Variants in CCDC27 observed in about 807,000 individuals in gnomAD.
CCDC27 encodes coiled-coil domain containing 27.
A neutral mutation model predicts 80.3 loss-of-function variants in CCDC27; 80 were observed. The observed-to-expected ratio is 1.00, with a 90% CI of 0.83 to 1.20. The LOEUF (loss-of-function observed/expected upper bound fraction) is 1.20. CCDC27 is among the 50% of genes most tolerant of loss of function. The pLI is 0.00. For synonymous variants in CCDC27, 342 were observed against 334.3 expected, an observed-to-expected ratio of 1.02 and a Z score of -0.25; for missense variants, 815 against 809.4, an observed-to-expected ratio of 1.01 and a Z score of -0.08.
At chr1:3,756,563 T>C (rs937413673) in intron 3 of CCDC27, 170 bp from the exon 4 acceptor site, 12 of 663,700 alleles carry the variant, frequency 1.8e-5, no homozygotes, top group Non-Finnish European at 2.8e-5. Context: ...AGCACCACAC[T>C]GTGTCCTCAA....
Position 3,763,452 on chromosome 1 carries a change from G to C in CCDC27, c.1299G>C (p.Arg433Ser), listed in dbSNP as rs1643144537. The change falls in exon 7 of 12, where the codon AGG becomes AGC. Residue 433 changes from arginine (R) to serine (S), a missense_variant. Coordinates refer to ENST00000294600, the MANE Select transcript of CCDC27 (RefSeq NM_152492.3). The surrounding 1 kb of genome is among the most constrained non-coding windows in gnomAD (Gnocchi z 7.5). ...LDFQFNLEATRTRYSLATGVI... is the reference protein window; with the variant it reads ...LDFQFNLEATSTRYSLATGVI... ...TCCAGTTCAACCTGGAGGCCACCAG[G>C]ACCAGATACTCCCTTGCAACAGGTA... 5.0e-6 allele frequency: 8 copies of C among 1,607,392 alleles called. No homozygotes were observed. The highest frequency in any genetic ancestry group is 2.7e-5 in the African/African-American group (2 of 74,776).
Position 3,769,659 on chromosome 1 carries a change from A to G in CCDC27, c.1744-124A>G. On this transcript the variant is annotated intron_variant, in intron 10 of 11. Coordinates refer to ENST00000294600, the MANE Select transcript of CCDC27 (RefSeq NM_152492.3). The surrounding 1 kb of genome is among the most constrained non-coding windows in gnomAD (Gnocchi z 4.6). Reference sequence around the variant, plus strand: ...ACACCTGTTTCCAGTTTCTAAAGCCATGAAAAGTGAGGGTGAGCTGTTCCT... The same window carrying G: ...ACACCTGTTTCCAGTTTCTAAAGCCGTGAAAAGTGAGGGTGAGCTGTTCCT... 1 of 700,928 alleles carries G rather than the reference A, an allele frequency of 1.4e-6. No homozygotes were observed. The allele number at this position is 700,928 out of a possible 1,614,324, so 43.4% of individuals were successfully genotyped here.
rs530725860 is a variant in CCDC27 at position 3,762,240 on chromosome 1, G to A, written c.862-380G>A. 6.6e-5 allele frequency among the ~76,000 whole-genome samples: 10 copies of A among 152,328 alleles called. No individual in the cohort carries two copies. In the South Asian group the frequency reaches 2.1e-3, roughly 32 times the overall value. ...TGCCTAGACACACAGGGCGGGGGCA[G>A]GGAAAGGTGGCCAGCCGGCGGCTTC... is the stretch of plus-strand genomic sequence containing the variant. On this transcript the variant is annotated intron_variant, in intron 5 of 11. Transcript: ENST00000294600.
rs143183028 is a variant in CCDC27 at position 3,756,817 on chromosome 1, C to T, written c.638C>T (p.Thr213Ile). ...RRKSQTLSPV[T>I]SSSVASQSCL... ...AAATCCCAGACTTTGAGTCCGGTCACCAGCAGCTCAGTCGCATCTCAGAGC... is the reference window on the plus strand; with the variant it reads ...AAATCCCAGACTTTGAGTCCGGTCATCAGCAGCTCAGTCGCATCTCAGAGC... The change falls in exon 4 of 12, where the codon ACC becomes ATC. Residue 213 changes from threonine (T) to isoleucine (I), a missense_variant. Thr to Ile is a moderately conservative substitution (Grantham distance 89). Coordinates refer to ENST00000294600, the MANE Select transcript of CCDC27 (RefSeq NM_152492.3). 9 of 1,614,046 alleles carry T rather than the reference C, an allele frequency of 5.6e-6. No homozygotes were observed. The highest frequency in any genetic ancestry group is 1.7e-5 in the Admixed American group (1 of 60,026).
At position 3,763,135 on chromosome 1, in the gene CCDC27, A is replaced by T; in HGVS notation, c.982A>T (p.Arg328Trp). The T allele has an allele frequency of 1.4e-6, 2 of 1,480,574 alleles. No individual in the cohort carries two copies. The highest frequency in any genetic ancestry group is 5.1e-5 in the Admixed American group (2 of 38,852). The allele number at this position is 1,480,574 out of a possible 1,614,324, so 91.7% of individuals were successfully genotyped here. A position where few individuals can be genotyped will look rare whatever the true frequency, so the allele number is the denominator to read the frequency against. The change falls in exon 7 of 12, where the codon AGG becomes TGG. Residue 328 changes from arginine to tryptophan, a missense_variant. Coordinates refer to ENST00000294600, the MANE Select transcript of CCDC27 (RefSeq NM_152492.3). The surrounding 1 kb of genome is among the most constrained non-coding windows in gnomAD (Gnocchi z 7.5). ...GCAGGAGGAGTCTGCGGCACCGGAG[A>T]GGGGCAAGGAGCCCGACCTGGGAGG... ...QMQEESAAPE[R>W]GKEPDLGGGE...
rs752296471 is a variant in CCDC27 at position 3,761,305 on chromosome 1, A to G, written c.736A>G (p.Ile246Val). 2.5e-6 allele frequency: 4 copies of G among 1,614,046 alleles called. No individual in the cohort carries two copies. The South Asian group carries it at 4.4e-5, about 18-fold the overall frequency. The change falls in exon 5 of 12, where the codon ATA becomes GTA. Residue 246 changes from isoleucine (I) to valine (V), a missense_variant. Physicochemically the swap from Ile to Val is conservative, Grantham distance 29 (BLOSUM62 3). Coordinates refer to ENST00000294600, the MANE Select transcript of CCDC27 (RefSeq NM_152492.3). This position sits in a 1 kb window ranked among gnomAD's most constrained non-coding sequence, Gnocchi z 5.0. ...EKDHCLSELE[I>V]QVQKKDEEIL... ...GGATCACTGCCTGTCTGAGCTGGAG[A>G]TACAGGTTCAGAAGAAAGACGAGGA...
At position 3,756,898 on chromosome 1, in the gene CCDC27, C is replaced by A. The variant is rs372035421; in HGVS notation, c.711+8C>A. 4 of 1,606,000 alleles carry A rather than the reference C, an allele frequency of 2.5e-6. No homozygotes were observed. The highest frequency in any genetic ancestry group is 2.7e-5 in the African/African-American group (2 of 74,922). On this transcript the variant is annotated splice_region_variant and intron_variant, in intron 4 of 11. Transcript: ENST00000294600. Reference sequence around the variant, plus strand: ...TCAGTCATCCACGAGAAGGTACTGGCGGAGGGGGTGCAAATCCCGGCCCCC... The same window carrying A: ...TCAGTCATCCACGAGAAGGTACTGGAGGAGGGGGTGCAAATCCCGGCCCCC...
At position 3,768,288 on chromosome 1, in the gene CCDC27, G is replaced by T. The variant is rs919041946; in HGVS notation, c.1743+843G>T. Among the ~76,000 whole-genome samples the T allele has an allele frequency of 6.6e-6, 1 of 151,892 alleles. No homozygotes were observed. The stretch of plus-strand genomic sequence containing the variant: ...AATTTTAAAAGCTTTTTGTAGAGAC[G>T]GTCTCACTATGCTGTCCAGGCTGGT... On this transcript the variant is annotated intron_variant, in intron 10 of 11. Coordinates refer to ENST00000294600, the MANE Select transcript of CCDC27 (RefSeq NM_152492.3). This position sits in a 1 kb window ranked among gnomAD's most constrained non-coding sequence, Gnocchi z 5.6.
In CCDC27 at chr1:3,766,999, C is replaced by T. The variant is rs533124681; in HGVS notation, c.1531-234C>T. Among the ~76,000 whole-genome samples the T allele has an allele frequency of 3.9e-5, 6 of 152,072 alleles. No individual in the cohort carries two copies. Among genetic ancestry groups the T allele is most frequent in the Non-Finnish European group, 8.8e-5 (6 of 68,010 alleles). ...GGGACTACCAGCACTTGCCATCATG[C>T]CCAGCTAATTTTTGTATTTTTAGTA... On this transcript the variant is annotated intron_variant, in intron 9 of 11. Coordinates refer to ENST00000294600, the MANE Select transcript of CCDC27 (RefSeq NM_152492.3). The surrounding 1 kb of genome is among the most constrained non-coding windows in gnomAD (Gnocchi z 6.1).
intron 11 of CCDC27, 121 bp from the exon 12 acceptor site, chr1:3,771,280 C>A (rs1056810377): frequency 1.2e-5 from 15 of 1,246,914 alleles, no homozygotes; most frequent in African/African-American, 1.0e-4. Flanking sequence ...CTGCAGCAAG[C>A]CTCTCTGGAG....
chr1:3,753,775 G>A (rs544179396), intron 1 of CCDC27, among the ~76,000 whole-genome samples: 11 of 152,350 alleles, frequency 7.2e-5, no homozygotes, highest in African/African-American at 2.4e-4. Context: ...CTTAGTGCCT[G>A]TGACCAGCAG....
In CCDC27 at chr1:3,761,539, G is replaced by T. The variant is rs576516473; in HGVS notation, c.861+109G>T. On this transcript the variant is annotated intron_variant, in intron 5 of 11. Transcript: ENST00000294600. The surrounding 1 kb of genome is among the most constrained non-coding windows in gnomAD (Gnocchi z 5.0). Reference sequence around the variant, plus strand: ...CCCTGGCAAACCCCCAGGCCCCCTGGATCCTATCAGGTCCTCACTGGAACG... The same window carrying T: ...CCCTGGCAAACCCCCAGGCCCCCTGTATCCTATCAGGTCCTCACTGGAACG... The T allele has an allele frequency of 3.8e-5, 50 of 1,304,284 alleles. No individual in the cohort carries two copies. Among genetic ancestry groups the T allele is most frequent in the Non-Finnish European group, 5.1e-5 (49 of 953,374 alleles). The allele number at this position is 1,304,284 out of a possible 1,614,324, so 80.8% of individuals were successfully genotyped here. A position where few individuals can be genotyped will look rare whatever the true frequency, so the allele number is the denominator to read the frequency against.
rs1643249356 is a variant in CCDC27 at position 3,767,313 on chromosome 1, G to A, written c.1611G>A (p.Gln537=). 6.2e-7 allele frequency: 1 copy of A among 1,613,946 alleles called. No individual in the cohort carries two copies. Among genetic ancestry groups the A allele is most frequent in the Non-Finnish European group, 8.5e-7 (1 of 1,180,030 alleles). Residue 537 remains glutamine, a synonymous_variant, in exon 10 of 12, where the codon CAG becomes CAA. Coordinates refer to ENST00000294600, the MANE Select transcript of CCDC27 (RefSeq NM_152492.3). ...TGGACACCAAGGTCAGCCAGCTGCA[G>A]GAGCAGGTGGAACTGGACCAGAACC... ...SELDTKVSQL[Q]EQVELDQNHL... is the part of the protein sequence containing the mutation.
Position 3,763,484 on chromosome 1 carries a change from C to A in CCDC27, c.1321+10C>A. 6.3e-7 allele frequency: 1 copy of A among 1,579,496 alleles called. No individual in the cohort carries two copies. Among genetic ancestry groups the A allele is most frequent in the Non-Finnish European group, 8.6e-7 (1 of 1,162,860 alleles). ...TACTCCCTTGCAACAGGTAGGGCCT[C>A]GGCGGGGGGCACTGGGCTTTGGCCA... On this transcript the variant is annotated intron_variant, in intron 7 of 11. Coordinates refer to ENST00000294600, the MANE Select transcript of CCDC27 (RefSeq NM_152492.3). This position sits in a 1 kb window ranked among gnomAD's most constrained non-coding sequence, Gnocchi z 7.5.
Position 3,770,165 on chromosome 1 carries a change from G to A in CCDC27, c.1848+278G>A, listed in dbSNP as rs542916207. Among the ~76,000 whole-genome samples the A allele has an allele frequency of 2.0e-5, 3 of 152,286 alleles. No homozygotes were observed. The East Asian group carries it at 5.8e-4, about 29-fold the overall frequency. Reference sequence around the variant, plus strand: ...AGCAGTAACTGCCACAACCCATCCTGAGCGCTGTGGAGAGGGGACAAGCCG... The same window carrying A: ...AGCAGTAACTGCCACAACCCATCCTAAGCGCTGTGGAGAGGGGACAAGCCG... On this transcript the variant is annotated intron_variant, in intron 11 of 11. Coordinates refer to ENST00000294600, the MANE Select transcript of CCDC27 (RefSeq NM_152492.3).
chr1:3,754,089 T>C, intron 1 of CCDC27, 29 bp from the exon 2 acceptor site: 1 of 1,485,828 alleles, frequency 6.7e-7, no homozygotes, highest in Non-Finnish European at 9.1e-7. Flanking sequence ...GGGCCTTCCT[T>C]GTCTGTCTTA....
chr1:3,757,009 G>T, intron 4 of CCDC27, 119 bp downstream of exon 4: 1 of 1,226,734 alleles, frequency 8.2e-7, no homozygotes, highest in South Asian at 1.5e-5. Flanking sequence ...GCATCAAGCA[G>T]GTCCCCATGG....
rs538740936 is a variant in CCDC27 at position 3,763,125 on chromosome 1, G to A, written c.972G>A (p.Ala324=). The A allele has an allele frequency of 1.4e-5, 21 of 1,478,138 alleles. No individual in the cohort carries two copies. Among genetic ancestry groups the A allele is most frequent in the Middle Eastern group, 1.9e-4 (1 of 5,344 alleles). 91.6% of individuals were successfully genotyped at this position (1,478,138 alleles called of 1,614,324 possible). The part of the protein sequence containing the change: ...QHWWQMQEES[A]APERGKEPDL... ...TCTTACAGATGCAGGAGGAGTCTGC[G>A]GCACCGGAGAGGGGCAAGGAGCCCG... Residue 324 remains alanine (A), a synonymous_variant, in exon 7 of 12, where the codon GCG becomes GCA. Transcript: ENST00000294600. The surrounding 1 kb of genome is among the most constrained non-coding windows in gnomAD (Gnocchi z 7.5).
At position 3,769,716 on chromosome 1, in the gene CCDC27, G is replaced by A; in HGVS notation, c.1744-67G>A. The A allele has an allele frequency of 1.9e-6, 2 of 1,053,700 alleles. No homozygotes were observed. The highest frequency in any genetic ancestry group is 2.5e-5 in the South Asian group (2 of 79,698). The allele number at this position is 1,053,700 out of a possible 1,614,324, so 65.3% of individuals were successfully genotyped here. On this transcript the variant is annotated intron_variant, in intron 10 of 11. Coordinates refer to ENST00000294600, the MANE Select transcript of CCDC27 (RefSeq NM_152492.3). The surrounding 1 kb of genome is among the most constrained non-coding windows in gnomAD (Gnocchi z 4.6). ...TACATAAAAAATAAGGTGGTGGGGG[G>A]TGCAGCCCACTGGCCAGGTGCCTTC...
Sources: gnomAD v4.1 joint callset for allele counts (sites outside exome capture counted in the v4.1 genomes callset) on GRCh38, gnomAD v4.1.1 for gene constraint, Gnocchi (gnomAD v3.1) non-coding constraint, MANE v1.5 for transcripts, NCBI Gene and HGNC (gene_info 2026-07-23, HGNC 2026-07-21) for gene names.